The following DENND1A variants were observed in gnomAD, a reference collection of about 807,000 sequenced individuals.
DENND1A encodes the protein DENN domain containing 1A, also known as DENN domain-containing protein 1A.
A neutral mutation model predicts 113.7 loss-of-function variants in DENND1A; 51 were observed. The ratio of observed to expected loss-of-function variants is 0.45; its 90% CI spans 0.36 to 0.57. DENND1A has a LOEUF of 0.57. Among genes scored for constraint, DENND1A ranks in the 20% least tolerant of loss-of-function variants. DENND1A has a pLI of 0.00. For synonymous variants in DENND1A, 565 were observed against 570.8 expected, an observed-to-expected ratio of 0.99 and a Z score of 0.14; for missense variants, 1,258 against 1,395.9, an observed-to-expected ratio of 0.90 and a Z score of 1.57.
At chr9:123,419,310 T>G (rs999079880) in intron 19 of DENND1A, among the ~76,000 whole-genome samples, 1 of 152,226 alleles carries the variant, frequency 6.6e-6, no homozygotes, top group Non-Finnish European at 1.5e-5. Flanking sequence ...CTGTGTGCAT[T>G]GTGTACTCTG....
At chr9:123,808,794 G>C (rs1232916875) in intron 2 of DENND1A, among the ~76,000 whole-genome samples, 2 of 152,124 alleles carry the variant, frequency 1.3e-5, no homozygotes, top group Non-Finnish European at 2.9e-5. Context: ...CATCCTTCTA[G>C]TCTCAGCTCA....
At chr9:123,705,751 T>C (rs1372610216) in intron 5 of DENND1A, among the ~76,000 whole-genome samples, 4 of 152,218 alleles carry the variant, frequency 2.6e-5, no homozygotes, top group South Asian at 2.1e-4. Context: ...TCCAGACTTA[T>C]CTGTATTCAG....
At chr9:123,622,818 G>A (rs575399062) in intron 10 of DENND1A, among the ~76,000 whole-genome samples, 1 of 152,256 alleles carries the variant, frequency 6.6e-6, no homozygotes, top group African/African-American at 2.4e-5. Flanking sequence ...TCAATAGATG[G>A]TGATTATTAT....
intron 10 of DENND1A, among the ~76,000 whole-genome samples, chr9:123,626,243 G>C (rs918442292): frequency 4.6e-5 from 7 of 152,068 alleles, no homozygotes; most frequent in African/African-American, 1.7e-4. Flanking sequence ...TATGGGCGGG[G>C]GGTGTCTCTC....
At chr9:123,909,273 C>T (rs2133998819) in intron 1 of DENND1A, among the ~76,000 whole-genome samples, 1 of 151,560 alleles carries the variant, frequency 6.6e-6, no homozygotes, top group South Asian at 2.1e-4. Context: ...GGGTGCAGCG[C>T]ACCAGCATGG....
chr9:123,880,369 C>T (rs551692834), intron 1 of DENND1A, among the ~76,000 whole-genome samples: 1 of 152,278 alleles, frequency 6.6e-6, no homozygotes, highest in South Asian at 2.1e-4. Context: ...AATAAGAATA[C>T]TGTGGTTATA....
At chr9:123,719,165 A>G (rs2067171036) in intron 5 of DENND1A, among the ~76,000 whole-genome samples, 1 of 152,186 alleles carries the variant, frequency 6.6e-6, no homozygotes, top group Admixed American at 6.5e-5. Context: ...ACCCAGTCTC[A>G]GGTATGTCCT....
At chr9:123,679,731 G>A (rs970184848) in intron 5 of DENND1A, among the ~76,000 whole-genome samples, 15 of 152,184 alleles carry the variant, frequency 9.9e-5, no homozygotes, top group African/African-American at 3.6e-4. Flanking sequence ...AACAGCTTGC[G>A]CGGCCTGCTA....
chr9:123,896,863 A>T (rs1032473324), intron 1 of DENND1A, among the ~76,000 whole-genome samples: 1 of 152,254 alleles, frequency 6.6e-6, no homozygotes, highest in Admixed American at 6.5e-5. Flanking sequence ...AGATAAACGC[A>T]GAAGTAAAAC....
chr9:123,909,518 G>A (rs929669526), intron 1 of DENND1A, among the ~76,000 whole-genome samples: 12 of 152,046 alleles, frequency 7.9e-5, no homozygotes, highest in Non-Finnish European at 8.8e-5. Context: ...TCTCAGCAAC[G>A]TAAAAATGGA....
At chr9:123,689,515 C>A (rs138639863) in intron 5 of DENND1A, among the ~76,000 whole-genome samples, 2 of 152,172 alleles carry the variant, frequency 1.3e-5, no homozygotes, top group East Asian at 3.9e-4. Context: ...AATGATAGTT[C>A]TTTTATTACT....
intron 21 of DENND1A, among the ~76,000 whole-genome samples, chr9:123,399,905 G>A (rs1427647208): frequency 3.9e-5 from 6 of 152,344 alleles, no homozygotes; most frequent in African/African-American, 1.2e-4. Context: ...CTGGGCCTGA[G>A]CTCCCACTCG....
chr9:123,509,572 G>A lies in DENND1A; in HGVS notation c.993+47998C>T, dbSNP rs116868115. Among the ~76,000 whole-genome samples, 442 of 152,304 alleles carry A rather than the reference G, an allele frequency of 2.9e-3. 17 individuals are homozygous for A. The East Asian group carries it at 0.064, about 22-fold the overall frequency. On this transcript the variant is annotated intron_variant, in intron 13 of 23. Transcript: ENST00000394215. Reference sequence around the variant, plus strand: ...TGGATGGCACATCCCCAGTGAACATGCAAGAAAGGTCACTTGCATTTTCAG... The same window carrying A: ...TGGATGGCACATCCCCAGTGAACATACAAGAAAGGTCACTTGCATTTTCAG...
At chr9:123,678,291 A>T (rs1196671014) in intron 5 of DENND1A, among the ~76,000 whole-genome samples, 1 of 152,224 alleles carries the variant, frequency 6.6e-6, no homozygotes, top group African/African-American at 2.4e-5. Flanking sequence ...AAATAAAGCC[A>T]GACAAAGACT....
chr9:123,804,446 T>C (rs1835207440), intron 2 of DENND1A, among the ~76,000 whole-genome samples: 1 of 152,234 alleles, frequency 6.6e-6, no homozygotes, highest in African/African-American at 2.4e-5. Context: ...CACTGGCTTC[T>C]GCAGGCTCCT....
At chr9:123,541,704 T>TGAATTG (rs2056300240) in intron 13 of DENND1A, among the ~76,000 whole-genome samples, 1 of 152,170 alleles carries the variant, frequency 6.6e-6, no homozygotes, top group African/African-American at 2.4e-5. Context: ...CCATGGAATG[T>TGAATTG]GACTGCTGGT....
At chr9:123,550,744 G>C (rs1211447237) in intron 13 of DENND1A, among the ~76,000 whole-genome samples, 2 of 152,184 alleles carry the variant, frequency 1.3e-5, no homozygotes, top group East Asian at 3.8e-4. Flanking sequence ...GTAAAAGATT[G>C]TTTAAAAAAT....
intron 19 of DENND1A, among the ~76,000 whole-genome samples, chr9:123,419,992 G>A (rs1460854141): frequency 1.3e-5 from 2 of 152,224 alleles, no homozygotes; most frequent in Admixed American, 6.5e-5. Context: ...CACTCAGCGG[G>A]GCACCCAGAG....
intron 10 of DENND1A, among the ~76,000 whole-genome samples, chr9:123,628,585 A>G (rs1406274012): frequency 6.6e-6 from 1 of 152,156 alleles, no homozygotes; most frequent in Non-Finnish European, 1.5e-5. Context: ...TTAATGTCAC[A>G]TGGTGAATCT....
Sources: allele counts gnomAD v4.1 joint callset (sites outside exome capture counted in the v4.1 genomes callset), GRCh38; gene constraint gnomAD v4.1.1; transcripts MANE v1.5; gene names NCBI Gene and HGNC (gene_info 2026-07-23, HGNC 2026-07-21).